BCAR3: variants seen among roughly 807,000 people sequenced by gnomAD.
BCAR3 encodes the protein breast cancer anti-estrogen resistance protein 3.
Under a neutral mutation model 80.1 loss-of-function variants are expected in BCAR3, and 37 were observed. The ratio of observed to expected loss-of-function variants is 0.46; its 90% CI spans 0.36 to 0.61. The LOEUF (loss-of-function observed/expected upper bound fraction) is 0.61, where lower values mean the gene tolerates loss of function less well. Among genes scored for constraint, BCAR3 ranks in the 20% least tolerant of loss-of-function variants. The probability of loss-of-function intolerance (pLI) is 0.00; values close to 1 mark genes in which losing one functional copy is unlikely to be tolerated. For missense variants in BCAR3, 978 were observed against 1,068.2 expected (o/e 0.92, Z 1.18); for synonymous variants, 389 against 418.9 (o/e 0.93, Z 0.87).
At chr1:93,588,874 A>T in intron 5 of BCAR3, 103 bp downstream of exon 5, 1 of 1,265,448 alleles carries the variant, frequency 7.9e-7, no homozygotes, top group Non-Finnish European at 1.1e-6. Flanking sequence ...CATTCCTATT[A>T]ACATCTTTTA....
chr1:93,758,041 C>G (rs1006779445), intron 2 of BCAR3, among the ~76,000 whole-genome samples: 1 of 152,304 alleles, frequency 6.6e-6, no homozygotes, highest in African/African-American at 2.4e-5. Context: ...GCCCTTGGTA[C>G]TGCTGCATCG....
intron 4 of BCAR3, among the ~76,000 whole-genome samples, chr1:93,590,044 G>A (rs1189118263): frequency 2.0e-5 from 3 of 152,222 alleles, no homozygotes; most frequent in Non-Finnish European, 2.9e-5. Context: ...GGCCTGGCCA[G>A]TGGGGAGGAG....
At chr1:93,612,030 A>G (rs925662533) in intron 3 of BCAR3, among the ~76,000 whole-genome samples, 2 of 152,208 alleles carry the variant, frequency 1.3e-5, no homozygotes, top group African/African-American at 4.8e-5. Context: ...ATGAGCAGCA[A>G]GATCTGGAAC....
At chr1:93,761,921 T>A (rs1571106064) in intron 2 of BCAR3, among the ~76,000 whole-genome samples, 1 of 152,156 alleles carries the variant, frequency 6.6e-6, no homozygotes. Context: ...AAGAAGCCAC[T>A]TGAGGGTACC....
Position 93,588,994 on chromosome 1 carries a change from G to T in BCAR3, c.912C>A (p.Pro304=), listed in dbSNP as rs774982366. 3.2e-6 allele frequency: 5 copies of T among 1,578,472 alleles called. No homozygotes were observed. Among genetic ancestry groups the T allele is most frequent in the Non-Finnish European group, 1.7e-6 (2 of 1,157,252 alleles). The change falls in exon 5 of 12, where the codon CCC becomes CCA. Residue 304 remains proline (P), a synonymous_variant. Coordinates refer to ENST00000260502, the MANE Select transcript of BCAR3 (RefSeq NM_003567.4). The stretch of plus-strand genomic sequence containing the variant: ...TGACCTACCTGAGGAGGTTTCCCCT[G>T]GGCAAATTCTGCTCTCGGGCCTGGA... ...GGVQAREQNL[P]RGNLLRNKEK...
rs550471303 is a variant in BCAR3 at position 93,565,219 on chromosome 1, A to G, written c.2299+2060T>C. Among the ~76,000 whole-genome samples the G allele has an allele frequency of 4.6e-5, 7 of 152,116 alleles. No homozygotes were observed. The East Asian group carries it at 1.4e-3, about 29-fold the overall frequency. Reference sequence around the variant, plus strand: ...CAGCCTCTCAAGTATTCCCTCTCAAAATTCCCCGGCTAATTTTTGTATTTT... The same window carrying G: ...CAGCCTCTCAAGTATTCCCTCTCAAGATTCCCCGGCTAATTTTTGTATTTT... On this transcript the variant is annotated intron_variant, in intron 11 of 11. Coordinates refer to ENST00000260502, the MANE Select transcript of BCAR3 (RefSeq NM_003567.4).
chr1:93,613,717 G>T, intron 3 of BCAR3: 2 of 1,167,228 alleles, frequency 1.7e-6, no homozygotes, highest in Non-Finnish European at 1.2e-6. Flanking sequence ...AGACCCATCA[G>T]TCAAAGAAAG....
At chr1:93,797,514 T>C (rs1380550358) in intron 2 of BCAR3, among the ~76,000 whole-genome samples, 1 of 152,136 alleles carries the variant, frequency 6.6e-6, no homozygotes, top group Non-Finnish European at 1.5e-5. Flanking sequence ...TAAACTGCCA[T>C]TTACTTTCAT....
chr1:93,789,556 T>C (rs1653069390), intron 2 of BCAR3, among the ~76,000 whole-genome samples: 2 of 152,234 alleles, frequency 1.3e-5, no homozygotes, highest in African/African-American at 2.4e-5. Flanking sequence ...AACTAATCAC[T>C]GTGGCTGTAA....
At chr1:93,711,646 C>T (rs1413216697) in intron 2 of BCAR3, among the ~76,000 whole-genome samples, 2 of 152,194 alleles carry the variant, frequency 1.3e-5, no homozygotes, top group East Asian at 3.9e-4. Context: ...GCAACCATTT[C>T]TGTAAACACA....
chr1:93,732,956 G>T (rs871436), intron 2 of BCAR3, among the ~76,000 whole-genome samples: 15,258 of 152,190 alleles, frequency 0.1, 882 homozygotes, highest in African/African-American at 0.15. Context: ...AACTACAGAA[G>T]GAGAAGCATT....
chr1:93,664,231 T>G (rs1191149252), intron 2 of BCAR3, among the ~76,000 whole-genome samples: 1 of 152,212 alleles, frequency 6.6e-6, no homozygotes, highest in Non-Finnish European at 1.5e-5. Context: ...GCGATTCTCC[T>G]GCCTCAGCCT....
chr1:93,826,397 C>A (rs1654373921), intron 2 of BCAR3, among the ~76,000 whole-genome samples: 1 of 152,216 alleles, frequency 6.6e-6, no homozygotes, highest in Non-Finnish European at 1.5e-5. Context: ...CCCATCCCTT[C>A]CCCATCACAG....
chr1:93,588,965 G>A lies in BCAR3; in HGVS notation c.929+12C>T. ...CGCCCCTCATAGTCCTGCAGAGGAG[G>A]CCCTGACCTACCTGAGGAGGTTTCC... On this transcript the variant is annotated intron_variant, in intron 5 of 11. Transcript: ENST00000260502. 6.4e-7 allele frequency: 1 copy of A among 1,551,352 alleles called. No homozygotes were observed. The highest frequency in any genetic ancestry group is 1.2e-5 in the South Asian group (1 of 81,310).
At chr1:93,622,650 T>C (rs1471246052) in intron 3 of BCAR3, among the ~76,000 whole-genome samples, 3 of 152,158 alleles carry the variant, frequency 2.0e-5, no homozygotes, top group Non-Finnish European at 2.9e-5. Context: ...ACACAAACAG[T>C]ACCCCTTCCT....
intron 2 of BCAR3, among the ~76,000 whole-genome samples, chr1:93,711,387 A>G (rs977448348): frequency 6.6e-6 from 1 of 152,224 alleles, no homozygotes. Context: ...TGAAAGGGCC[A>G]TGTGTCTGTC....
intron 2 of BCAR3, among the ~76,000 whole-genome samples, chr1:93,821,258 G>A (rs1038365370): frequency 6.6e-6 from 1 of 152,240 alleles, no homozygotes; most frequent in Middle Eastern, 3.4e-3. Flanking sequence ...TTCCATTGAA[G>A]TTCAGAGATT....
intron 1 of BCAR3, among the ~76,000 whole-genome samples, chr1:93,680,396 C>G (rs923355214): frequency 6.6e-6 from 1 of 152,274 alleles, no homozygotes; most frequent in South Asian, 2.1e-4. Context: ...CCCCCTGGCA[C>G]GCCCGCAGAC....
chr1:93,654,252 G>C lies in BCAR3; in HGVS notation c.318-11909C>G, dbSNP rs551201404. Among the ~76,000 whole-genome samples the C allele has an allele frequency of 4.6e-5, 7 of 152,276 alleles. No homozygotes were observed. In the South Asian group the frequency reaches 1.5e-3, roughly 32 times the overall value. On this transcript the variant is annotated intron_variant, in intron 2 of 11. Transcript: ENST00000260502. ...AAGGGCTGAAGTCAGTTGATGTTAC[G>C]AGACAGTGATCACCCAGGTGGGCCT...
Sources: gnomAD v4.1 joint callset for allele counts (sites outside exome capture counted in the v4.1 genomes callset) on GRCh38, gnomAD v4.1.1 for gene constraint, MANE v1.5 for transcripts, NCBI Gene and HGNC (gene_info 2026-07-23, HGNC 2026-07-21) for gene names.